The following SDK2 variants were observed in gnomAD, a reference collection of about 807,000 sequenced individuals.
The protein encoded by SDK2 is sidekick cell adhesion molecule 2, also known as protein sidekick-2.
In SDK2, 105 loss-of-function variants were observed where a neutral mutation model predicts 253.9. That is an observed-to-expected ratio of 0.41 (90% CI 0.35 to 0.49). The LOEUF (loss-of-function observed/expected upper bound fraction) is 0.49. Ranked by LOEUF, SDK2 falls within the 20% of genes least tolerant of loss-of-function variation. SDK2 has a pLI of 0.06. For synonymous variants in SDK2, 1,249 were observed against 1,234.9 expected, an observed-to-expected ratio of 1.01 and a Z score of -0.24; for missense variants, 2,608 against 3,003.0, an observed-to-expected ratio of 0.87 and a Z score of 3.07.
chr17:73,583,557 A>G (rs548380492), intron 1 of SDK2, among the ~76,000 whole-genome samples: 1 of 152,290 alleles, frequency 6.6e-6, no homozygotes, highest in South Asian at 2.1e-4. Context: ...CCCAAACCTC[A>G]AGAACTAGGA....
chr17:73,551,390 AC>A (rs71359773), intron 1 of SDK2, among the ~76,000 whole-genome samples: 4,186 of 152,230 alleles, frequency 0.027, 89 homozygotes, highest in Non-Finnish European at 0.043. Context: ...GAGACATATA[AC>A]ATGTTGCCGG....
intron 32 of SDK2, 47 bp from the exon 33 acceptor site, chr17:73,384,058 C>G: frequency 6.3e-7 from 1 of 1,584,872 alleles, no homozygotes. Context: ...GACCACCACC[C>G]ACCCCTCCCC....
At chr17:73,400,954 G>A in intron 21 of SDK2, 66 bp downstream of exon 21, 1 of 1,457,296 alleles carries the variant, frequency 6.9e-7, no homozygotes, top group South Asian at 1.3e-5. Context: ...AGCCGACAAG[G>A]GGCCTCTTGA....
chr17:73,507,666 T>G, intron 1 of SDK2, 69 bp from the exon 2 acceptor site: 1 of 1,482,846 alleles, frequency 6.7e-7, no homozygotes, highest in South Asian at 1.3e-5. Context: ...GCGTTTAGTA[T>G]CCTAAGGCCC....
chr17:73,553,610 CT>C (rs2045097993), intron 1 of SDK2, among the ~76,000 whole-genome samples: 1 of 152,144 alleles, frequency 6.6e-6, no homozygotes, highest in Non-Finnish European at 1.5e-5. Flanking sequence ...AGGGTCACCC[CT>C]GAGCCACTAC....
At chr17:73,556,843 T>C (rs1316623459) in intron 1 of SDK2, among the ~76,000 whole-genome samples, 1 of 152,190 alleles carries the variant, frequency 6.6e-6, no homozygotes, top group Admixed American at 6.5e-5. Flanking sequence ...TTTTCTCTTC[T>C]GTAAAATGGG....
At chr17:73,348,357 G>A (rs777185674) in intron 44 of SDK2, among the ~76,000 whole-genome samples, 10 of 152,208 alleles carry the variant, frequency 6.6e-5, no homozygotes, top group East Asian at 1.9e-4. Context: ...AGAGAGGGCC[G>A]TCTTCTTCGG....
At chr17:73,519,657 G>A (rs2064059938) in intron 1 of SDK2, 1 of 152,162 alleles carries the variant, frequency 6.6e-6, no homozygotes, top group African/African-American at 2.4e-5. Flanking sequence ...AGATGAGAGA[G>A]GTACCCAGTC....
chr17:73,527,192 G>A (rs1007301428), intron 1 of SDK2, among the ~76,000 whole-genome samples: 2 of 152,162 alleles, frequency 1.3e-5, no homozygotes, highest in South Asian at 2.1e-4. Context: ...ATTTGTTCAC[G>A]GATCAATCCA....
At position 73,338,631 on chromosome 17, in the gene SDK2, G is replaced by A; in HGVS notation, c.6475C>T (p.Pro2159Ser). The change falls in exon 45 of 45, where the codon CCA becomes TCA. Residue 2159 changes from proline (P) to serine (S), a missense_variant. Pro to Ser is a moderately conservative substitution (Grantham distance 74, BLOSUM62 -1). Coordinates refer to ENST00000392650, the MANE Select transcript of SDK2 (RefSeq NM_001144952.2). The surrounding 1 kb of genome is among the most constrained non-coding windows in gnomAD (Gnocchi z 5.0). The part of the protein sequence containing the change: ...TLYRPPSSLA[P>S]GSRAPIAGFS... ...CCTGCTATGGGAGCCCGGGAGCCTG[G>A]GGCCAGGCTGCTGGGGGGACGGTAG... 1.3e-6 allele frequency: 2 copies of A among 1,534,448 alleles called. No homozygotes were observed. The highest frequency in any genetic ancestry group is 1.7e-6 in the Non-Finnish European group (2 of 1,145,588).
intron 1 of SDK2, among the ~76,000 whole-genome samples, chr17:73,605,367 G>A (rs547200274): frequency 1.4e-4 from 22 of 152,144 alleles, no homozygotes; most frequent in African/African-American, 2.4e-4. Flanking sequence ...GTGGAGGTCC[G>A]GCCTTGACCA....
intron 1 of SDK2, among the ~76,000 whole-genome samples, chr17:73,584,494 C>T (rs912747419): frequency 1.3e-5 from 2 of 152,192 alleles, no homozygotes; most frequent in Non-Finnish European, 2.9e-5. Flanking sequence ...GCTCCGAGGG[C>T]GGGACTGTGC....
At chr17:73,420,412 A>G (rs1341319246) in intron 15 of SDK2, among the ~76,000 whole-genome samples, 1 of 152,104 alleles carries the variant, frequency 6.6e-6, no homozygotes, top group Admixed American at 6.6e-5. Flanking sequence ...CCTCACTGCA[A>G]CCTCTGCCTC....
At chr17:73,535,501 G>T (rs909777009) in intron 1 of SDK2, among the ~76,000 whole-genome samples, 1 of 152,156 alleles carries the variant, frequency 6.6e-6, no homozygotes, top group Non-Finnish European at 1.5e-5. Flanking sequence ...TTCCTTCTTC[G>T]CCTGTCTTGC....
At chr17:73,509,593 C>T (rs149138553) in intron 1 of SDK2, among the ~76,000 whole-genome samples, 308 of 146,226 alleles carry the variant, frequency 2.1e-3, no homozygotes, top group Non-Finnish European at 3.4e-3. Context: ...AGTTCAATAC[C>T]AGATTGGGCG....
chr17:73,627,468 C>T (rs1246551662), intron 1 of SDK2, among the ~76,000 whole-genome samples: 2 of 152,202 alleles, frequency 1.3e-5, no homozygotes, highest in Non-Finnish European at 2.9e-5. Flanking sequence ...TCAGCTCCCC[C>T]ACCCATGTGG....
chr17:73,340,839 G>A (rs561875225), intron 44 of SDK2, among the ~76,000 whole-genome samples: 1 of 133,162 alleles, frequency 7.5e-6, no homozygotes, highest in South Asian at 2.6e-4. Context: ...TGCCTCCCGG[G>A]TTCAAGTGAT....
At position 73,643,488 on chromosome 17, in the gene SDK2, G is replaced by A. The variant is rs1477887873; in HGVS notation, c.64+537C>T. Among the ~76,000 whole-genome samples, 1 of 152,138 alleles carries A rather than the reference G, an allele frequency of 6.6e-6. No homozygotes were observed. The highest frequency in any genetic ancestry group is 6.5e-5 in the Admixed American group (1 of 15,286). ...CCAGCGGCTGGCCGAGCAGCCAGGG[G>A]CGGGCTCCCGTACGTGGCCAAGCCG... On this transcript the variant is annotated intron_variant, in intron 1 of 44. Transcript: ENST00000392650. The surrounding 1 kb of genome is among the most constrained non-coding windows in gnomAD (Gnocchi z 6.9).
chr17:73,356,723 C>T (rs371372415), intron 40 of SDK2, among the ~76,000 whole-genome samples: 3 of 152,328 alleles, frequency 2.0e-5, no homozygotes, highest in East Asian at 3.9e-4. Context: ...GGTTACTGAT[C>T]CTGTCCTCTG....
Sources: gnomAD v4.1 joint callset for allele counts (sites outside exome capture counted in the v4.1 genomes callset) on GRCh38, gnomAD v4.1.1 for gene constraint, Gnocchi (gnomAD v3.1) non-coding constraint, MANE v1.5 for transcripts, NCBI Gene and HGNC (gene_info 2026-07-23, HGNC 2026-07-21) for gene names.